CENPQ: variants seen among roughly 807,000 people sequenced by gnomAD.
CENPQ encodes the protein chromosome 6 open reading frame 139.
Under a neutral mutation model 36.6 loss-of-function variants are expected in CENPQ, and 27 were observed. The observed-to-expected ratio is 0.74, with a 90% confidence interval of 0.54 to 1.02. The LOEUF (loss-of-function observed/expected upper bound fraction) is 1.02, where lower values mean the gene tolerates loss of function less well. Ranked by LOEUF, CENPQ falls within the 50% of genes least tolerant of loss-of-function variation. CENPQ has a pLI of 0.00. For missense variants in CENPQ, 306 were observed against 301.8 expected (o/e 1.01, Z -0.10); for synonymous variants, 101 against 101.7 (o/e 0.99, Z 0.04).
At chr6:49,483,728 C>T (rs143785654) in intron 6 of CENPQ, among the ~76,000 whole-genome samples, 1 of 152,236 alleles carries the variant, frequency 6.6e-6, no homozygotes, top group Non-Finnish European at 1.5e-5. Flanking sequence ...CCTGCTAAAC[C>T]CACGCCCACC....
rs917563980 is a variant in CENPQ at position 49,492,608 on chromosome 6, G to A, written c.*333G>A. 1 of 176,916 alleles carries A rather than the reference G, an allele frequency of 5.7e-6. No homozygotes were observed. The highest frequency in any genetic ancestry group is 2.4e-5 in the African/African-American group (1 of 42,036). 11.0% of individuals were successfully genotyped at this position (176,916 alleles called of 1,614,324 possible). ...TTTATTGGTTAACAGCTCATATCAG[G>A]AGCTGTGATAAGTAAGTGTTTACAT... On this transcript the variant is annotated 3_prime_UTR_variant, in exon 9 of 9. Coordinates refer to ENST00000335783, the MANE Select transcript of CENPQ (RefSeq NM_018132.4).
intron 6 of CENPQ, among the ~76,000 whole-genome samples, chr6:49,486,232 C>A (rs758342279): frequency 4.6e-5 from 7 of 152,232 alleles, no homozygotes; most frequent in African/African-American, 4.8e-5. Context: ...CCATTCTCCT[C>A]TCTTGTCTTC....
chr6:49,467,358 A>G lies in CENPQ; in HGVS notation c.-18-2801A>G, dbSNP rs1420700498. On this transcript the variant is annotated intron_variant, in intron 1 of 8. Transcript: ENST00000335783. ...GGATTTTGGGTAATATGATGTGTCA[A>G]CAATTACAGCAAATGTACCAGTTTG... 2.6e-5 allele frequency among the ~76,000 whole-genome samples: 4 copies of G among 152,224 alleles called. No homozygotes were observed. The East Asian group carries it at 5.8e-4, about 22-fold the overall frequency.
chr6:49,490,754 C>T (rs754389298), intron 8 of CENPQ, among the ~76,000 whole-genome samples: 1 of 152,080 alleles, frequency 6.6e-6, no homozygotes, highest in East Asian at 1.9e-4. Flanking sequence ...ATTTCAATAT[C>T]GTTGTGTCAC....
At chr6:49,482,181 C>G (rs1768450585) in intron 6 of CENPQ, among the ~76,000 whole-genome samples, 1 of 152,172 alleles carries the variant, frequency 6.6e-6, no homozygotes, top group Non-Finnish European at 1.5e-5. Flanking sequence ...CGCGCGCAGC[C>G]CCGGTTCCCG....
intron 6 of CENPQ, among the ~76,000 whole-genome samples, chr6:49,485,984 C>A (rs140814226): frequency 0.011 from 1,671 of 152,260 alleles, 10 homozygotes; most frequent in South Asian, 0.021. Flanking sequence ...GGAAAAGGGT[C>A]TTGTCCAATA....
At chr6:49,464,277 A>C (rs981388548) in intron 1 of CENPQ, among the ~76,000 whole-genome samples, 9 of 152,124 alleles carry the variant, frequency 5.9e-5, no homozygotes, top group African/African-American at 2.2e-4. Flanking sequence ...GTAAAAAAAA[A>C]TTACATGCTG....
chr6:49,483,563 A>G (rs912664761), intron 6 of CENPQ, among the ~76,000 whole-genome samples: 3 of 152,188 alleles, frequency 2.0e-5, no homozygotes, highest in Admixed American at 6.5e-5. Context: ...GCCCTGCCCC[A>G]CAGGGAGGCA....
chr6:49,476,206 G>A (rs918497205), intron 5 of CENPQ, among the ~76,000 whole-genome samples: 2 of 152,106 alleles, frequency 1.3e-5, no homozygotes, highest in African/African-American at 2.4e-5. Context: ...AAACACCATG[G>A]TACTGGTACC....
chr6:49,467,386 G>C (rs1208966567), intron 1 of CENPQ, among the ~76,000 whole-genome samples: 2 of 152,354 alleles, frequency 1.3e-5, no homozygotes, highest in Admixed American at 6.5e-5. Context: ...CCAGTTTGGT[G>C]TGTGATGTTA....
chr6:49,483,196 G>C (rs995755342), intron 6 of CENPQ, among the ~76,000 whole-genome samples: 1 of 152,090 alleles, frequency 6.6e-6, no homozygotes, highest in African/African-American at 2.4e-5. Flanking sequence ...ACGGAGTGTA[G>C]AATGGTGCAT....
At chr6:49,472,583 T>C (rs548288468) in intron 4 of CENPQ, among the ~76,000 whole-genome samples, 1 of 152,268 alleles carries the variant, frequency 6.6e-6, no homozygotes, top group South Asian at 2.1e-4. Context: ...ATGTAACTTA[T>C]TACAATACAG....
chr6:49,471,923 T>C (rs1042109930), intron 3 of CENPQ, 140 bp from the exon 4 acceptor site: 5 of 855,836 alleles, frequency 5.8e-6, no homozygotes, highest in Non-Finnish European at 8.2e-6. Context: ...TGATAAAAAG[T>C]AAATTAAACA....
intron 6 of CENPQ, among the ~76,000 whole-genome samples, chr6:49,482,799 G>A (rs754580662): frequency 3.3e-5 from 5 of 152,068 alleles, no homozygotes; most frequent in Admixed American, 2.0e-4. Flanking sequence ...ACAGACCCTC[G>A]TGGTGAGTGT....
In CENPQ at chr6:49,472,177, T is replaced by A; in HGVS notation, c.272T>A (p.Val91Glu). The A allele has an allele frequency of 6.2e-7, 1 of 1,605,858 alleles. No individual in the cohort carries two copies. The highest frequency in any genetic ancestry group is 1.3e-5 in the African/African-American group (1 of 74,612). ...CATTTGCAAACTATGATGGAATCAG[T>A]AATAATGTGAGTATAAAATTGTTCC... Reference protein sequence around the residue: ...RDHLQTMMESVIMTILSNSIK... With the variant: ...RDHLQTMMESEIMTILSNSIK... Residue 91 changes from valine (V) to glutamate (E), a missense_variant, in exon 4 of 9, where the codon GTA becomes GAA. Val to Glu is a moderately radical substitution (Grantham distance 121, BLOSUM62 -2). Coordinates refer to ENST00000335783, the MANE Select transcript of CENPQ (RefSeq NM_018132.4).
intron 6 of CENPQ, 61 bp downstream of exon 6, chr6:49,481,141 G>C: frequency 7.3e-7 from 1 of 1,373,488 alleles, no homozygotes. Flanking sequence ...GAAGACCAAA[G>C]TTTTTAAAAT....
chr6:49,471,133 T>A, intron 3 of CENPQ, 105 bp downstream of exon 3: 1 of 589,720 alleles, frequency 1.7e-6, no homozygotes, highest in Non-Finnish European at 2.6e-6. Context: ...CAAAAGATAG[T>A]AATAAACAAC....
intron 6 of CENPQ, among the ~76,000 whole-genome samples, chr6:49,487,888 C>T (rs1192472132): frequency 6.6e-6 from 1 of 152,048 alleles, no homozygotes; most frequent in Non-Finnish European, 1.5e-5. Context: ...TCTCCCTGCT[C>T]TAATGCCCAA....
At chr6:49,487,748 T>C (rs367615133) in intron 6 of CENPQ, among the ~76,000 whole-genome samples, 117 of 152,300 alleles carry the variant, frequency 7.7e-4, no homozygotes, top group African/African-American at 2.7e-3. Context: ...ATTTTATACT[T>C]GGCCTGCACA....
Sources: allele counts gnomAD v4.1 joint callset (sites outside exome capture counted in the v4.1 genomes callset), GRCh38; gene constraint gnomAD v4.1.1; transcripts MANE v1.5; gene names NCBI Gene and HGNC (gene_info 2026-07-23, HGNC 2026-07-21).